Variants in CDH23 observed in about 807,000 individuals in gnomAD.
CDH23 encodes the protein cadherin related 23.
CDH23 carries 189 observed loss-of-function variants against 317.1 expected under a neutral mutation model. The observed-to-expected ratio is 0.60, with a 90% CI of 0.53 to 0.67. The LOEUF is 0.67. Among genes scored for constraint, CDH23 ranks in the 30% least tolerant of loss-of-function variants. The pLI, the probability that CDH23 is intolerant of heterozygous loss-of-function variation, is 0.00. For missense variants in CDH23, 4,401 were observed against 4,592.4 expected (o/e 0.96, Z 1.20); for synonymous variants, 1,839 against 1,876.8 (o/e 0.98, Z 0.52).
chr10:71,723,914 C>A, intron 28 of CDH23, 131 bp from the exon 29 acceptor site: 1 of 988,510 alleles, frequency 1.0e-6, no homozygotes. Flanking sequence ...ACACCCCCAG[C>A]CTCTGAGGGA....
At chr10:71,647,674 T>C (rs1862959472) in intron 14 of CDH23, 1 of 152,234 alleles carries the variant, frequency 6.6e-6, no homozygotes, top group Non-Finnish European at 1.5e-5. Context: ...CAGTTGGTTG[T>C]GTCATCCTGG....
chr10:71,777,221 T>G (rs187769509), intron 38 of CDH23, among the ~76,000 whole-genome samples: 1 of 152,262 alleles, frequency 6.6e-6, no homozygotes, highest in Non-Finnish European at 1.5e-5. Flanking sequence ...AGGTTAAATA[T>G]GGCATTGGGC....
intron 6 of CDH23, among the ~76,000 whole-genome samples, chr10:71,540,366 C>T (rs1257914274): frequency 1.3e-5 from 2 of 152,160 alleles, no homozygotes; most frequent in African/African-American, 4.8e-5. Context: ...AAGGCTCCTG[C>T]AGGCATGCCT....
intron 38 of CDH23, chr10:71,752,122 C>G: frequency 1.6e-6 from 1 of 632,030 alleles, no homozygotes; most frequent in Non-Finnish European, 2.9e-6. Context: ...ACCATCAACC[C>G]CGGGCACAGC....
chr10:71,659,406 A>C (rs1397308638), intron 14 of CDH23, among the ~76,000 whole-genome samples: 1 of 152,194 alleles, frequency 6.6e-6, no homozygotes, highest in Non-Finnish European at 1.5e-5. Flanking sequence ...AGCCTAGAGC[A>C]GCAGGTGGGT....
intron 6 of CDH23, among the ~76,000 whole-genome samples, chr10:71,517,711 G>A (rs112491390): frequency 4.6e-5 from 7 of 152,332 alleles, no homozygotes; most frequent in African/African-American, 1.2e-4. Context: ...GGGCCTTGGC[G>A]GCCCCTCTGC....
Position 71,732,011 on chromosome 10 carries a change from G to A in CDH23, c.3740G>A (p.Arg1247His), listed in dbSNP as rs1246203490. The change falls in exon 32 of 70, where the codon CGC (arginine) becomes CAC (histidine). Residue 1247 changes from arginine to histidine, a missense_variant. Coordinates refer to ENST00000224721, the MANE Select transcript of CDH23 (RefSeq NM_022124.6). ...DSGDGGLVNY[R>H]ILSGAEGKFE... is the part of the protein sequence containing the mutation. ...GGGGATGGTGGCCTGGTGAACTACC[G>A]CATCCTGTCGGGCGCAGAGGGGAAG... 25 of 1,613,746 alleles carry A rather than the reference G, an allele frequency of 1.5e-5. No homozygotes were observed. The highest frequency in any genetic ancestry group is 1.9e-5 in the Non-Finnish European group (22 of 1,179,832).
At chr10:71,656,329 C>T (rs1024326809) in intron 14 of CDH23, among the ~76,000 whole-genome samples, 7 of 152,172 alleles carry the variant, frequency 4.6e-5, no homozygotes, top group African/African-American at 1.7e-4. Flanking sequence ...GGGCCAGGTG[C>T]CCTGGGCCTT....
At chr10:71,755,508 A>G (rs1589399531) in intron 38 of CDH23, 3 of 1,549,054 alleles carry the variant, frequency 1.9e-6, no homozygotes, top group Admixed American at 3.7e-5. Context: ...CCCCATTCCC[A>G]TTGCTCCTCC....
intron 3 of CDH23, among the ~76,000 whole-genome samples, chr10:71,504,279 C>T (rs1000881772): frequency 6.6e-6 from 1 of 152,144 alleles, no homozygotes. Context: ...ACTCTAGGTA[C>T]CTTATATCAG....
chr10:71,618,365 G>C (rs887879165), intron 11 of CDH23, among the ~76,000 whole-genome samples: 6 of 152,106 alleles, frequency 3.9e-5, no homozygotes, highest in African/African-American at 7.2e-5. Flanking sequence ...GCGGGCGTAG[G>C]GGGGCAGGGC....
At chr10:71,616,604 C>G (rs777555738) in intron 10 of CDH23, among the ~76,000 whole-genome samples, 19 of 152,212 alleles carry the variant, frequency 1.2e-4, no homozygotes, top group Admixed American at 6.5e-5. Flanking sequence ...CCCTGGAAAG[C>G]TATTGAAAGG....
intron 1 of CDH23, among the ~76,000 whole-genome samples, chr10:71,400,775 G>A (rs1375519239): frequency 6.6e-6 from 1 of 152,026 alleles, no homozygotes; most frequent in African/African-American, 2.4e-5. Context: ...TTCCAGCCTG[G>A]GCGACAGAGT....
At chr10:71,561,972 T>A (rs949792062) in intron 6 of CDH23, among the ~76,000 whole-genome samples, 3 of 152,124 alleles carry the variant, frequency 2.0e-5, no homozygotes, top group Admixed American at 6.5e-5. Context: ...GGCTGCTCCT[T>A]TCCAGCAAGA....
intron 14 of CDH23, among the ~76,000 whole-genome samples, chr10:71,669,443 A>C (rs561257898): frequency 1.2e-4 from 17 of 146,606 alleles, no homozygotes; most frequent in Non-Finnish European, 2.2e-4. Context: ...CTGTCTCCCC[A>C]TTCTGACTTT....
chr10:71,814,713 T>TATACACACACACAC (rs1842067221), intron 69 of CDH23, among the ~76,000 whole-genome samples: 1 of 146,884 alleles, frequency 6.8e-6, no homozygotes, highest in Non-Finnish European at 1.5e-5. Context: ...AAGAAGCCGA[T>TATACACACACACAC]ACACACACAC....
chr10:71,779,770 C>A (rs1840907062), intron 41 of CDH23, among the ~76,000 whole-genome samples: 1 of 152,238 alleles, frequency 6.6e-6, no homozygotes, highest in Non-Finnish European at 1.5e-5. Flanking sequence ...GAAGCACATC[C>A]TTACAGTGCG....
chr10:71,613,250 C>T (rs1861008360), intron 9 of CDH23, among the ~76,000 whole-genome samples: 2 of 152,246 alleles, frequency 1.3e-5, no homozygotes. Context: ...GCTAAAGAAA[C>T]TCCCTTCTAT....
At chr10:71,567,043 T>C (rs1455693322) in intron 7 of CDH23, 107 bp downstream of exon 7, 2 of 997,084 alleles carry the variant, frequency 2.0e-6, no homozygotes, top group Non-Finnish European at 3.0e-6. Context: ...ACACACTCGA[T>C]GATCTATAAT....
Sources: allele counts gnomAD v4.1 joint callset (sites outside exome capture counted in the v4.1 genomes callset), GRCh38; gene constraint gnomAD v4.1.1; transcripts MANE v1.5; gene names NCBI Gene and HGNC (gene_info 2026-07-23, HGNC 2026-07-21).